Variants in RANBP3 observed in about 807,000 individuals in gnomAD.
RANBP3 encodes RAN binding protein 3, also known as ran-binding protein 3.
RANBP3 carries 14 observed loss-of-function variants against 77.3 expected under a neutral mutation model. The observed-to-expected ratio is 0.18, with a 90% CI of 0.12 to 0.28. The LOEUF (loss-of-function observed/expected upper bound fraction) is 0.28. Among genes scored for constraint, RANBP3 ranks in the 10% least tolerant of loss-of-function variants. The probability of loss-of-function intolerance (pLI) is 1.00; values close to 1 mark genes in which losing one functional copy is unlikely to be tolerated. For missense variants in RANBP3, 586 were observed against 752.3 expected, an observed-to-expected ratio of 0.78 and a Z score of 2.59; for synonymous variants, 315 against 312.4, an observed-to-expected ratio of 1.01 and a Z score of -0.09.
At position 5,921,995 on chromosome 19, in the gene RANBP3, C is replaced by CA. The variant is rs1022174662; in HGVS notation, c.1210-675dup. Among the ~76,000 whole-genome samples, 2 of 152,032 alleles carry CA rather than the reference C, an allele frequency of 1.3e-5. No individual in the cohort carries two copies. Among genetic ancestry groups the CA allele is most frequent in the Non-Finnish European group, 2.9e-5 (2 of 68,000 alleles). The stretch of plus-strand genomic sequence containing the variant: ...ATTTATATGAAATGTCAAGGACAGG[C>CA]AAAAAACAGAGACAGGAAGTGGATC... On this transcript the variant is annotated intron_variant, in intron 13 of 16. Transcript: ENST00000340578. The surrounding 1 kb of genome is among the most constrained non-coding windows in gnomAD (Gnocchi z 5.3).
rs949870019 is a variant in RANBP3, at chr19:5,921,890, C to T, written c.1210-569G>A. Among the ~76,000 whole-genome samples the T allele has an allele frequency of 2.0e-5, 3 of 152,200 alleles. No individual in the cohort carries two copies. Among genetic ancestry groups the T allele is most frequent in the Admixed American group, 6.5e-5 (1 of 15,278 alleles). On this transcript the variant is annotated intron_variant, in intron 13 of 16. Transcript: ENST00000340578. This position sits in a 1 kb window ranked among gnomAD's most constrained non-coding sequence, Gnocchi z 5.3. ...TCAGTCTTAATAAAGAACAAGGCTC[C>T]GACCCCCGCTGCAACGTGGATGAAC...
chr19:5,956,398 A>AAAG (rs2058335302), intron 2 of RANBP3, among the ~76,000 whole-genome samples: 1 of 152,206 alleles, frequency 6.6e-6, no homozygotes, highest in Non-Finnish European at 1.5e-5. Context: ...GACAAATCAT[A>AAAG]AAGCCACGTC....
intron 1 of RANBP3, among the ~76,000 whole-genome samples, chr19:5,966,629 GC>G (rs1241399415): frequency 6.6e-6 from 1 of 152,210 alleles, no homozygotes; most frequent in African/African-American, 2.4e-5. Context: ...TTCCCCACCA[GC>G]CCATGGCTGT....
chr19:5,933,525 G>A (rs780905814), intron 5 of RANBP3, 46 bp from the exon 6 acceptor site: 3 of 1,573,730 alleles, frequency 1.9e-6, no homozygotes, highest in Non-Finnish European at 1.7e-6. Flanking sequence ...GCCTGGGCTG[G>A]GGCTGGGCCT....
At chr19:5,931,587 C>G (rs188772491) in intron 7 of RANBP3, 56 bp from the exon 8 acceptor site, 1 of 1,560,488 alleles carries the variant, frequency 6.4e-7, no homozygotes, top group Admixed American at 1.7e-5. Flanking sequence ...CTCCCACCCC[C>G]ACTCACATAG....
chr19:5,951,142 C>T (rs2058269214), intron 3 of RANBP3, among the ~76,000 whole-genome samples: 1 of 152,194 alleles, frequency 6.6e-6, no homozygotes, highest in Admixed American at 6.5e-5. Flanking sequence ...TTTTGGGAAA[C>T]AGGATTCACC....
At chr19:5,957,807 C>T (rs2058353186) in intron 2 of RANBP3, 111 bp downstream of exon 2, 1 of 1,170,408 alleles carries the variant, frequency 8.5e-7, no homozygotes, top group South Asian at 1.3e-5. Flanking sequence ...CTTAGGTCTC[C>T]CCGTCTGTGG....
At chr19:5,965,797 C>T (rs1379719502) in intron 1 of RANBP3, 1 of 149,044 alleles carries the variant, frequency 6.7e-6, no homozygotes, top group Non-Finnish European at 1.5e-5. Context: ...ATGGGGTCTC[C>T]CAGACGCGTG....
chr19:5,937,492 T>C (rs2058082171), intron 5 of RANBP3, among the ~76,000 whole-genome samples: 1 of 151,890 alleles, frequency 6.6e-6, no homozygotes, highest in South Asian at 2.1e-4. Flanking sequence ...AAAGTGGAGG[T>C]ATGTGTGGTA....
Position 5,964,789 on chromosome 19 carries a change from C to T in RANBP3, c.23-6816G>A, listed in dbSNP as rs549170479. Among the ~76,000 whole-genome samples, 5 of 138,518 alleles carry T rather than the reference C, an allele frequency of 3.6e-5. No individual in the cohort carries two copies. In the South Asian group the frequency reaches 1.1e-3, roughly 30 times the overall value. 90.9% of individuals were successfully genotyped at this position (138,518 alleles called of 152,430 possible). A position where few individuals can be genotyped will look rare whatever the true frequency, so the allele number is the denominator to read the frequency against. ...TACTGTGCTAATGCTTGGGACACGC[C>T]TTGGGGACAGACTGGAAAACAGGGC... is the stretch of plus-strand genomic sequence containing the variant. On this transcript the variant is annotated intron_variant, in intron 1 of 16. Coordinates refer to ENST00000340578, the MANE Select transcript of RANBP3 (RefSeq NM_007322.3).
At chr19:5,976,983 G>T (rs1278972163) in intron 1 of RANBP3, among the ~76,000 whole-genome samples, 1 of 152,136 alleles carries the variant, frequency 6.6e-6, no homozygotes, top group African/African-American at 2.4e-5. Context: ...CAAGTGAATG[G>T]GGCTAACAGT....
At chr19:5,937,271 C>T (rs2058079429) in intron 5 of RANBP3, among the ~76,000 whole-genome samples, 1 of 151,966 alleles carries the variant, frequency 6.6e-6, no homozygotes, top group Non-Finnish European at 1.5e-5. Flanking sequence ...AGACAGCACC[C>T]TGATCGAGGA....
intron 1 of RANBP3, among the ~76,000 whole-genome samples, chr19:5,966,314 A>G (rs2058467282): frequency 6.6e-6 from 1 of 152,204 alleles, no homozygotes; most frequent in African/African-American, 2.4e-5. Context: ...GCCTCAGCCA[A>G]CACAGTGTGT....
At chr19:5,954,105 C>T (rs867865428) in intron 2 of RANBP3, among the ~76,000 whole-genome samples, 1 of 152,208 alleles carries the variant, frequency 6.6e-6, no homozygotes, top group African/African-American at 2.4e-5. Flanking sequence ...TTCTTTTCAA[C>T]TCCAAATCAT....
Position 5,928,069 on chromosome 19 carries a change from T to G in RANBP3, c.712A>C (p.Asn238His), listed in dbSNP as rs765002118. The G allele has an allele frequency of 1.2e-6, 2 of 1,612,138 alleles. No individual in the cohort carries two copies. The highest frequency in any genetic ancestry group is 3.4e-5 in the Admixed American group (2 of 59,474). ...TCTTCAGAGGCATTGCTGGACTCAT[T>G]TTTCTGGGGCTCTTTCTCCTATCAA... ...CALEEKEPQK[N>H]ESSNASEEEA... Residue 238 changes from asparagine to histidine, a missense_variant, in exon 9 of 17, where the codon AAT becomes CAT. Physicochemically the swap from Asn to His is moderately conservative, Grantham distance 68. Transcript: ENST00000340578.
chr19:5,978,047 G>C lies in RANBP3; in HGVS notation c.22+14C>G. ...CCCCGGCCGCCAGCCGGTCCCCAAC[G>C]GCGCCTCCCCTACCTTCGTTCGCCA... On this transcript the variant is annotated intron_variant, in intron 1 of 16. Coordinates refer to ENST00000340578, the MANE Select transcript of RANBP3 (RefSeq NM_007322.3). 1 of 1,609,584 alleles carries C rather than the reference G, an allele frequency of 6.2e-7. No individual in the cohort carries two copies. The highest frequency in any genetic ancestry group is 8.5e-7 in the Non-Finnish European group (1 of 1,178,256).
intron 8 of RANBP3, 72 bp downstream of exon 8, chr19:5,931,332 T>C: frequency 5.2e-6 from 8 of 1,532,912 alleles, no homozygotes; most frequent in African/African-American, 1.4e-5. Flanking sequence ...CTCCACAGCA[T>C]GCTGGGAAGG....
At chr19:5,972,651 T>G (rs180951780) in intron 1 of RANBP3, among the ~76,000 whole-genome samples, 1 of 152,198 alleles carries the variant, frequency 6.6e-6, no homozygotes, top group East Asian at 1.9e-4. Flanking sequence ...CTTCTCAGAT[T>G]CCCCAAATGC....
chr19:5,971,711 A>G (rs958256062), intron 1 of RANBP3, among the ~76,000 whole-genome samples: 1 of 152,238 alleles, frequency 6.6e-6, no homozygotes, highest in African/African-American at 2.4e-5. Flanking sequence ...TTCCAAGGAC[A>G]CTAAATCCTA....
Sources: allele counts gnomAD v4.1 joint callset (sites outside exome capture counted in the v4.1 genomes callset), GRCh38; gene constraint gnomAD v4.1.1; non-coding constraint Gnocchi (gnomAD v3.1); transcripts MANE v1.5; gene names NCBI Gene and HGNC (gene_info 2026-07-23, HGNC 2026-07-21).